Variants in FANCA observed in about 807,000 individuals in gnomAD.
The protein encoded by FANCA is Fanconi anemia group A protein.
FANCA carries 236 observed loss-of-function variants against 194.3 expected under a neutral mutation model. The ratio of observed to expected loss-of-function variants is 1.21; its 90% CI spans 1.09 to 1.35. The LOEUF (loss-of-function observed/expected upper bound fraction) is 1.35, where lower values mean the gene tolerates loss of function less well. Among genes scored for constraint, FANCA ranks in the 40% most tolerant of loss-of-function variants. The probability of loss-of-function intolerance (pLI) is 0.00; values close to 1 mark genes in which losing one functional copy is unlikely to be tolerated. For synonymous variants in FANCA, 1,014 were observed against 715.8 expected (o/e 1.42, Z -6.65); for missense variants, 2,628 against 1,813.9 (o/e 1.45, Z -8.15).
At chr16:89,746,719 G>C (rs757143742) in intron 34 of FANCA, 31 bp from the exon 35 acceptor site, 1 of 1,607,044 alleles carries the variant, frequency 6.2e-7, no homozygotes, top group Non-Finnish European at 8.5e-7. Flanking sequence ...GGAGGTCAGC[G>C]GTTTGTGAGG....
intron 8 of FANCA, 142 bp downstream of exon 8, chr16:89,803,117 C>A (rs1567645509): frequency 3.7e-6 from 3 of 817,732 alleles, no homozygotes; most frequent in Non-Finnish European, 2.1e-6. Flanking sequence ...TCATTACACT[C>A]TATGCACAAA....
rs2038622626 is a variant in FANCA at position 89,752,272 on chromosome 16, G to A, written c.2982-50C>T. ...CTCCTCAGTATCGCCTAATAGTGCT[G>A]AAGTTCCCAGTTCTCCTCCTGCCTC... On this transcript the variant is annotated intron_variant, in intron 30 of 42. Transcript: ENST00000389301. The A allele has an allele frequency of 2.1e-6, 3 of 1,459,324 alleles. No homozygotes were observed. The South Asian group carries it at 3.4e-5, about 17-fold the overall frequency. The allele number at this position is 1,459,324 out of a possible 1,614,324, so 90.4% of individuals were successfully genotyped here. A position where few individuals can be genotyped will look rare whatever the true frequency, so the allele number is the denominator to read the frequency against.
At chr16:89,786,606 C>G (rs2143489712) in intron 14 of FANCA, among the ~76,000 whole-genome samples, 1 of 152,324 alleles carries the variant, frequency 6.6e-6, no homozygotes, top group Admixed American at 6.5e-5. Context: ...CATGAACTAT[C>G]ACACCTGACC....
At chr16:89,741,297 T>A (rs11076618) in intron 37 of FANCA, among the ~76,000 whole-genome samples, 4 of 152,030 alleles carry the variant, frequency 2.6e-5, no homozygotes, top group African/African-American at 7.2e-5. Flanking sequence ...CACACTAGGG[T>A]CCTAAGGCCC....
chr16:89,771,901 G>C, intron 22 of FANCA, 87 bp from the exon 23 acceptor site: 1 of 1,492,558 alleles, frequency 6.7e-7, no homozygotes, highest in Admixed American at 1.7e-5. Flanking sequence ...CTCCCGTCAA[G>C]TACGATTCCA....
intron 17 of FANCA, among the ~76,000 whole-genome samples, chr16:89,781,223 A>G (rs7201321): frequency 0.52 from 77,909 of 150,830 alleles, 21,921 homozygotes; most frequent in East Asian, 0.98. Flanking sequence ...AATTAGCCTG[A>G]CGTGGTGGCG....
intron 39 of FANCA, 70 bp downstream of exon 39, chr16:89,739,924 T>C (rs1291138416): frequency 6.2e-7 from 1 of 1,604,416 alleles, no homozygotes; most frequent in South Asian, 1.1e-5. Context: ...GGGCTCGTTC[T>C]TAACCATTTG....
intron 10 of FANCA, chr16:89,798,963 T>A: frequency 6.2e-7 from 1 of 1,612,838 alleles, no homozygotes; most frequent in African/African-American, 1.3e-5. Flanking sequence ...TCCGACCTCA[T>A]CCTCACAGGA....
intron 14 of FANCA, among the ~76,000 whole-genome samples, chr16:89,790,540 C>T (rs1567634773): frequency 6.6e-6 from 1 of 152,002 alleles, no homozygotes; most frequent in African/African-American, 2.4e-5. Flanking sequence ...ACCAGCCTGA[C>T]CAACATGGTG....
chr16:89,754,959 C>G (rs2038719744), intron 30 of FANCA, among the ~76,000 whole-genome samples: 2 of 152,088 alleles, frequency 1.3e-5, no homozygotes, highest in African/African-American at 4.8e-5. Context: ...AAAGAAGAAC[C>G]AAGTTGGAGG....
At chr16:89,746,027 G>A (rs999045639) in intron 35 of FANCA, among the ~76,000 whole-genome samples, 2 of 152,220 alleles carry the variant, frequency 1.3e-5, no homozygotes, top group African/African-American at 4.8e-5. Flanking sequence ...CGAGAAGGAA[G>A]GGCGACAGCT....
chr16:89,785,305 C>G (rs2039860639), intron 14 of FANCA, among the ~76,000 whole-genome samples: 1 of 152,204 alleles, frequency 6.6e-6, no homozygotes, highest in African/African-American at 2.4e-5. Flanking sequence ...CAAACACTAA[C>G]TATGGGATCC....
chr16:89,757,595 G>GC (rs1428624554), intron 30 of FANCA, among the ~76,000 whole-genome samples: 2 of 152,188 alleles, frequency 1.3e-5, no homozygotes, highest in Admixed American at 6.5e-5. Flanking sequence ...GACATGGGGG[G>GC]AAGCTGCATA....
At chr16:89,748,561 A>T in intron 33 of FANCA, 98 bp downstream of exon 33, 1 of 951,130 alleles carries the variant, frequency 1.1e-6, no homozygotes, top group Non-Finnish European at 1.7e-6. Context: ...TTTCCTCAGT[A>T]ATTCACACGG....
chr16:89,771,882 G>A lies in FANCA; in HGVS notation c.2015-68C>T, dbSNP rs1169387167. 3.2e-6 allele frequency: 5 copies of A among 1,579,462 alleles called. No individual in the cohort carries two copies. The South Asian group carries it at 5.6e-5, about 18-fold the overall frequency. On this transcript the variant is annotated intron_variant, in intron 22 of 42. Transcript: ENST00000389301. ...AGGAGGGATACAGCTGCGGCCTAGAGAGCTCCGCCTCCCGTCAAGTACGAT... is the reference window on the plus strand; with the variant it reads ...AGGAGGGATACAGCTGCGGCCTAGAAAGCTCCGCCTCCCGTCAAGTACGAT...
rs986710868 is a variant in FANCA, at chr16:89,740,044, A to T, written c.3884T>A (p.Leu1295Ter). ...CAGCCAGGATATCTTCCTCTTCTCT[A>T]AACACTCGAGGATTGCTGCACAAAC... is the stretch of plus-strand genomic sequence containing the variant. Reference protein sequence around the residue: ...FHVCAAILECLEKRKISWLAL... With the variant: ...FHVCAAILEC The change falls in exon 39 of 43, where the codon TTA becomes TAA. Residue 1295 changes from leucine (L) to a stop codon, truncating the protein, a stop_gained. Coordinates refer to ENST00000389301, the MANE Select transcript of FANCA (RefSeq NM_000135.4). LOFTEE classifies it high-confidence loss of function. 2.5e-6 allele frequency: 4 copies of T among 1,614,008 alleles called. No homozygotes were observed. Among genetic ancestry groups the T allele is most frequent in the Non-Finnish European group, 3.4e-6 (4 of 1,180,040 alleles).
At chr16:89,812,864 C>A (rs2040952246) in intron 3 of FANCA, among the ~76,000 whole-genome samples, 1 of 151,252 alleles carries the variant, frequency 6.6e-6, no homozygotes, top group African/African-American at 2.4e-5. Flanking sequence ...GAAACCCCGC[C>A]TCTACTAAAA....
Position 89,752,207 on chromosome 16 carries a change from G to T in FANCA, c.2997C>A (p.Asp999Glu). The T allele has an allele frequency of 6.2e-7, 1 of 1,613,808 alleles. No individual in the cohort carries two copies. The highest frequency in any genetic ancestry group is 8.5e-7 in the Non-Finnish European group (1 of 1,179,770). Residue 999 changes from aspartate to glutamate, a missense_variant, in exon 31 of 43, where the codon GAC becomes GAA. Transcript: ENST00000389301. ...AGACCAAATCAGAATTTTCTGAGTG[G>T]TCATAACTCCTTGAGCTGAAATGAA... ...MDFHQSSRSYDHSENSDLVFG... is the reference protein window; with the variant it reads ...MDFHQSSRSYEHSENSDLVFG...
At chr16:89,782,644 C>T (rs1004705821) in intron 17 of FANCA, among the ~76,000 whole-genome samples, 2 of 152,186 alleles carry the variant, frequency 1.3e-5, no homozygotes, top group Admixed American at 1.3e-4. Context: ...CTTCACTCTG[C>T]CACACAGTAA....
Sources: allele counts gnomAD v4.1 joint callset (sites outside exome capture counted in the v4.1 genomes callset), GRCh38; gene constraint gnomAD v4.1.1; transcripts MANE v1.5; gene names NCBI Gene and HGNC (gene_info 2026-07-23, HGNC 2026-07-21).